EZH2: variants seen among roughly 807,000 people sequenced by gnomAD.
EZH2 encodes enhancer of zeste 2 polycomb repressive complex 2 subunit.
In EZH2, 18 loss-of-function variants were observed where a neutral mutation model predicts 98.4. The observed-to-expected ratio is 0.18, with a 90% CI of 0.13 to 0.27. EZH2 has a LOEUF of 0.27. Ranked by LOEUF, EZH2 falls within the 10% of genes least tolerant of loss-of-function variation. The pLI is 1.00. For synonymous variants in EZH2, 338 were observed against 312.3 expected (o/e 1.08, Z -0.87); for missense variants, 470 against 935.1 (o/e 0.50, Z 6.49).
Position 148,828,867 on chromosome 7 carries a change from T to G in EZH2, c.498A>C (p.Ile166=). ...KVHGDRECGF[I]NDEIFVELVN... ...CCAACTCCACAAAAATTTCATCATT[T>G]ATAAACCCACATTCTGAAACGCATC... The change falls in exon 6 of 20, where the codon ATA becomes ATC. Residue 166 remains isoleucine, a synonymous_variant. Coordinates refer to ENST00000320356, the MANE Select transcript of EZH2 (RefSeq NM_004456.5). The G allele has an allele frequency of 6.2e-7, 1 of 1,611,092 alleles. No individual in the cohort carries two copies. Among genetic ancestry groups the G allele is most frequent in the Non-Finnish European group, 8.5e-7 (1 of 1,178,420 alleles).
intron 3 of EZH2, among the ~76,000 whole-genome samples, chr7:148,846,058 C>G (rs189601859): frequency 6.6e-6 from 1 of 152,262 alleles, no homozygotes; most frequent in East Asian, 1.9e-4. Context: ...AGCCTTTGAA[C>G]AAAATATATA....
chr7:148,866,521 T>TA (rs1818489193), intron 1 of EZH2, among the ~76,000 whole-genome samples: 1 of 103,346 alleles, frequency 9.7e-6, no homozygotes, highest in Non-Finnish European at 2.0e-5. Flanking sequence ...TATATATGTG[T>TA]ATATACATAT....
intron 1 of EZH2, among the ~76,000 whole-genome samples, chr7:148,874,724 ATAG>A (rs1819944546): frequency 6.6e-6 from 1 of 152,150 alleles, no homozygotes; most frequent in African/African-American, 2.4e-5. Context: ...CAAAAATAAA[ATAG>A]TGTATAGAAA....
In EZH2 at chr7:148,807,590, G is replaced by T; in HGVS notation, c.*56C>A. On this transcript the variant is annotated 3_prime_UTR_variant, in exon 20 of 20. Transcript: ENST00000320356. The stretch of plus-strand genomic sequence containing the variant: ...TTTTTCTAAATTGCCCACAGTACTC[G>T]AGGTTCCTGAAGCTAAGGCAGCTGT... 2 of 1,398,206 alleles carry T rather than the reference G, an allele frequency of 1.4e-6. No homozygotes were observed. The highest frequency in any genetic ancestry group is 2.4e-5 in the East Asian group (1 of 41,784). The allele number at this position is 1,398,206 out of a possible 1,614,324, so 86.6% of individuals were successfully genotyped here. A position where few individuals can be genotyped will look rare whatever the true frequency, so the allele number is the denominator to read the frequency against.
chr7:148,880,735 A>C (rs978380851), intron 1 of EZH2, among the ~76,000 whole-genome samples: 14 of 152,214 alleles, frequency 9.2e-5, no homozygotes, highest in African/African-American at 3.4e-4. Flanking sequence ...TTCCTTTGTC[A>C]AATTATTTCC....
intron 15 of EZH2, 100 bp downstream of exon 15, chr7:148,813,859 T>G (rs369888792): frequency 3.2e-6 from 4 of 1,266,176 alleles, no homozygotes; most frequent in East Asian, 4.8e-5. Context: ...AAGGATCACT[T>G]TTACTTTTTG....
At chr7:148,852,106 C>CTGTATACAG (rs1318994497) in intron 1 of EZH2, among the ~76,000 whole-genome samples, 2 of 152,150 alleles carry the variant, frequency 1.3e-5, no homozygotes, top group East Asian at 3.8e-4. Context: ...AAAAGTCTAC[C>CTGTATACAG]TGTATACAGT....
In EZH2 at chr7:148,809,073, G is replaced by A; in HGVS notation, c.2193C>T (p.Tyr731=). ...TGCTAGAAATGTACTTTACCAACCTGTAATCAAAAAACAGCTCTTCGCCAG... is the reference window on the plus strand; with the variant it reads ...TGCTAGAAATGTACTTTACCAACCTATAATCAAAAAACAGCTCTTCGCCAG... ...IQTGEELFFD[Y]RYSQADALKY... Residue 731 remains tyrosine, a splice_region_variant and synonymous_variant, in exon 19 of 20, where the codon TAC becomes TAT. Transcript: ENST00000320356. 1.2e-6 allele frequency: 2 copies of A among 1,613,460 alleles called. No individual in the cohort carries two copies. The highest frequency in any genetic ancestry group is 1.7e-6 in the Non-Finnish European group (2 of 1,179,398).
At chr7:148,833,020 T>C (rs532125941) in intron 3 of EZH2, among the ~76,000 whole-genome samples, 2 of 152,350 alleles carry the variant, frequency 1.3e-5, no homozygotes, top group Admixed American at 6.5e-5. Context: ...ACTGTACTTA[T>C]ATGAGATTCA....
chr7:148,857,750 C>CAAATAAAT (rs559331887), intron 1 of EZH2, among the ~76,000 whole-genome samples: 5 of 151,368 alleles, frequency 3.3e-5, no homozygotes, highest in Admixed American at 6.6e-5. Flanking sequence ...GACTCCGTCC[C>CAAATAAAT]AAATAAATAA....
chr7:148,845,016 T>C (rs1008393730), intron 3 of EZH2, among the ~76,000 whole-genome samples: 7 of 152,152 alleles, frequency 4.6e-5, no homozygotes, highest in Admixed American at 4.6e-4. Flanking sequence ...AGGTAATGTG[T>C]ACAAAGTACC....
intron 17 of EZH2, 85 bp from the exon 18 acceptor site, chr7:148,809,475 G>T: frequency 9.6e-7 from 1 of 1,046,384 alleles, no homozygotes; most frequent in Admixed American, 2.0e-5. Flanking sequence ...AATGCAACTG[G>T]TTACAGTTCT....
At chr7:148,849,407 G>A (rs1020358299) in intron 1 of EZH2, among the ~76,000 whole-genome samples, 5 of 152,152 alleles carry the variant, frequency 3.3e-5, no homozygotes, top group African/African-American at 1.2e-4. Flanking sequence ...GAATGGACCT[G>A]GAGAATGAAA....
chr7:148,810,516 A>G, intron 16 of EZH2, 102 bp from the exon 17 acceptor site: 1 of 701,386 alleles, frequency 1.4e-6, no homozygotes. Flanking sequence ...TTCTGGAGAA[A>G]ACGCAACAAA....
At chr7:148,817,413 C>A in intron 10 of EZH2, 22 bp from the exon 11 acceptor site, 2 of 1,607,838 alleles carry the variant, frequency 1.2e-6, no homozygotes, top group African/African-American at 1.3e-5. Context: ...AATGTAAGCA[C>A]TGGTCAAGAA....
chr7:148,873,139 C>T (rs1819654333), intron 1 of EZH2, among the ~76,000 whole-genome samples: 1 of 151,830 alleles, frequency 6.6e-6, no homozygotes, highest in Non-Finnish European at 1.5e-5. Context: ...GCTATGATCA[C>T]GCCACTATAC....
chr7:148,862,312 T>C (rs1817790805), intron 1 of EZH2, among the ~76,000 whole-genome samples: 1 of 152,238 alleles, frequency 6.6e-6, no homozygotes, highest in South Asian at 2.1e-4. Context: ...TCCACTGAGT[T>C]ACGCAGATTT....
intron 3 of EZH2, among the ~76,000 whole-genome samples, chr7:148,834,348 T>C (rs1344144655): frequency 1.3e-5 from 1 of 76,282 alleles, no homozygotes; most frequent in East Asian, 3.5e-4. Flanking sequence ...TATATATATA[T>C]ATATACACAC....
intron 9 of EZH2, chr7:148,818,928 C>T: frequency 2.6e-6 from 1 of 388,148 alleles, no homozygotes. Flanking sequence ...CAGCAGCCAA[C>T]AGTTTTATAC....
Sources: gnomAD v4.1 joint callset for allele counts (sites outside exome capture counted in the v4.1 genomes callset) on GRCh38, gnomAD v4.1.1 for gene constraint, MANE v1.5 for transcripts, NCBI Gene and HGNC (gene_info 2026-07-23, HGNC 2026-07-21) for gene names.